Variants in TULP4 observed in about 807,000 individuals in gnomAD.
TULP4 encodes tubby-related protein 4.
A neutral mutation model predicts 129.0 loss-of-function variants in TULP4; 16 were observed. The observed-to-expected ratio is 0.12, with a 90% CI of 0.08 to 0.19. The LOEUF is 0.19. TULP4 is among the 10% of genes least tolerant of loss of function. The pLI, the probability that TULP4 is intolerant of heterozygous loss-of-function variation, is 1.00. For missense variants in TULP4, 1,842 were observed against 2,059.1 expected (o/e 0.89, Z 2.04); for synonymous variants, 998 against 854.0 (o/e 1.17, Z -2.94).
intron 1 of TULP4, among the ~76,000 whole-genome samples, chr6:158,398,883 C>T (rs1308828266): frequency 3.3e-5 from 5 of 152,156 alleles, no homozygotes; most frequent in African/African-American, 4.8e-5. Context: ...CCCTAAGTGA[C>T]AAGCCAGTGT....
intron 1 of TULP4, among the ~76,000 whole-genome samples, chr6:158,264,322 T>G (rs1052642530): frequency 4.3e-4 from 65 of 152,204 alleles, no homozygotes; most frequent in African/African-American, 1.6e-3. Context: ...AAGATTGCTC[T>G]GATATTTCTG....
chr6:158,374,384 C>T (rs1043169210), intron 1 of TULP4, among the ~76,000 whole-genome samples: 4 of 151,314 alleles, frequency 2.6e-5, no homozygotes, highest in African/African-American at 9.7e-5. Flanking sequence ...ATTTTCTGGG[C>T]TTTATTGGTT....
chr6:158,367,568 C>T (rs1201342404), intron 1 of TULP4, among the ~76,000 whole-genome samples: 1 of 152,022 alleles, frequency 6.6e-6, no homozygotes, highest in African/African-American at 2.4e-5. Context: ...TGAACACAAA[C>T]CAAAAACCCT....
chr6:158,297,979 A>G (rs1034780607), intron 1 of TULP4, among the ~76,000 whole-genome samples: 7 of 152,108 alleles, frequency 4.6e-5, no homozygotes, highest in Non-Finnish European at 2.9e-5. Flanking sequence ...GGCCGTTTAT[A>G]GACCTCCCCC....
intron 5 of TULP4, among the ~76,000 whole-genome samples, chr6:158,457,169 T>C (rs1367226186): frequency 1.3e-5 from 2 of 152,200 alleles, no homozygotes; most frequent in Admixed American, 6.5e-5. Flanking sequence ...TAAAAAGGTC[T>C]CCGATCCACT....
intron 6 of TULP4, among the ~76,000 whole-genome samples, chr6:158,463,667 T>TAC (rs1779494148): frequency 8.7e-6 from 1 of 114,730 alleles, no homozygotes; most frequent in Non-Finnish European, 1.8e-5. Context: ...TATATATATA[T>TAC]AAAAAGAAAA....
intron 1 of TULP4, among the ~76,000 whole-genome samples, chr6:158,271,779 T>C (rs1227028530): frequency 1.3e-5 from 2 of 152,110 alleles, no homozygotes; most frequent in Non-Finnish European, 2.9e-5. Flanking sequence ...GTAACTGTCC[T>C]CCTAAAGAAA....
intron 3 of TULP4, among the ~76,000 whole-genome samples, chr6:158,443,966 T>A (rs2115110800): frequency 6.6e-6 from 1 of 152,176 alleles, no homozygotes; most frequent in East Asian, 1.9e-4. Flanking sequence ...ACGCCTGTAA[T>A]CCCAGCACTT....
At position 158,507,666 on chromosome 6, in the gene TULP4, A is replaced by G. The variant is rs1259254684; in HGVS notation, c.*972A>G. The G allele has an allele frequency of 6.6e-6, 1 of 152,118 alleles. No individual in the cohort carries two copies. Among genetic ancestry groups the G allele is most frequent in the African/African-American group, 2.4e-5 (1 of 41,408 alleles). 9.4% of individuals were successfully genotyped at this position (152,118 alleles called of 1,614,324 possible). A position where few individuals can be genotyped will look rare whatever the true frequency, so the allele number is the denominator to read the frequency against. On this transcript the variant is annotated 3_prime_UTR_variant, in exon 14 of 14. Coordinates refer to ENST00000367097, the MANE Select transcript of TULP4 (RefSeq NM_020245.5). ...AGCCTCTACTCTCTCTGCCCCTTTT[A>G]CTTTTTAATCTGGAATGCATTACTG...
intron 2 of TULP4, among the ~76,000 whole-genome samples, chr6:158,421,678 T>C (rs1164532480): frequency 2.0e-5 from 3 of 152,220 alleles, no homozygotes; most frequent in Admixed American, 1.3e-4. Context: ...TTAATAGAGA[T>C]TCTTTACAGA....
chr6:158,347,605 C>A (rs1039421565), intron 1 of TULP4, among the ~76,000 whole-genome samples: 1 of 152,238 alleles, frequency 6.6e-6, no homozygotes, highest in Non-Finnish European at 1.5e-5. Flanking sequence ...GTGCCTCTGA[C>A]TTCATCTCCT....
intron 1 of TULP4, among the ~76,000 whole-genome samples, chr6:158,236,800 T>TC (rs1777715995): frequency 6.3e-5 from 1 of 15,790 alleles, no homozygotes; most frequent in African/African-American, 1.7e-4. Context: ...CTTTTCTTTT[T>TC]TTTTTTTTTT....
intron 3 of TULP4, among the ~76,000 whole-genome samples, chr6:158,439,170 C>A (rs200204499): frequency 5.4e-5 from 8 of 148,308 alleles, no homozygotes; most frequent in Non-Finnish European, 6.0e-5. Context: ...GACTCCGTCT[C>A]AAAAAAAAAA....
intron 2 of TULP4, among the ~76,000 whole-genome samples, chr6:158,414,314 T>A (rs1244378508): frequency 7.6e-6 from 1 of 130,926 alleles, no homozygotes; most frequent in Non-Finnish European, 1.8e-5. Context: ...TGTAGACATC[T>A]TCATGTGAGT....
rs1321537597 is a variant in TULP4 at position 158,324,902 on chromosome 6, G to T, written c.252+10634G>T. ...AAGGGAAGAGGCACCCTTAAACAGA[G>T]TTATGAATGACTGTGGTATGTGTGT... On this transcript the variant is annotated intron_variant, in intron 1 of 13. Transcript: ENST00000367097. 2.6e-5 allele frequency among the ~76,000 whole-genome samples: 4 copies of T among 152,208 alleles called. No individual in the cohort carries two copies. In the South Asian group the frequency reaches 8.3e-4, roughly 32 times the overall value.
chr6:158,243,065 A>C (rs1191402126), intron 1 of TULP4, among the ~76,000 whole-genome samples: 1 of 152,046 alleles, frequency 6.6e-6, no homozygotes, highest in Non-Finnish European at 1.5e-5. Context: ...GGGATTGCAG[A>C]CGTGAGCCAC....
chr6:158,235,225 A>G (rs902590301), intron 1 of TULP4, among the ~76,000 whole-genome samples: 1 of 152,090 alleles, frequency 6.6e-6, no homozygotes, highest in Admixed American at 6.6e-5. Context: ...GTTCAGTAGC[A>G]TTAAGTATAT....
intron 1 of TULP4, among the ~76,000 whole-genome samples, chr6:158,319,464 G>T (rs903039809): frequency 6.6e-6 from 1 of 152,044 alleles, no homozygotes; most frequent in African/African-American, 2.4e-5. Flanking sequence ...GAAAAACCCT[G>T]TGTCCCCACC....
chr6:158,240,868 G>C (rs1777882588), intron 1 of TULP4, among the ~76,000 whole-genome samples: 1 of 150,882 alleles, frequency 6.6e-6, no homozygotes, highest in African/African-American at 2.4e-5. Context: ...CTCCCTCCCG[G>C]ACGGGGTGGC....
Sources: gnomAD v4.1 joint callset for allele counts (sites outside exome capture counted in the v4.1 genomes callset) on GRCh38, gnomAD v4.1.1 for gene constraint, MANE v1.5 for transcripts, NCBI Gene and HGNC (gene_info 2026-07-23, HGNC 2026-07-21) for gene names.